Variants in ASAH1 observed in about 807,000 individuals in gnomAD.
The protein encoded by ASAH1 is acid ceramidase.
ASAH1 carries 70 observed loss-of-function variants against 59.5 expected under a neutral mutation model. The ratio of observed to expected loss-of-function variants is 1.18; its 90% confidence interval spans 0.97 to 1.43. The LOEUF is 1.43. Ranked by LOEUF, ASAH1 falls within the 40% of genes most tolerant of loss-of-function variation. The pLI is 0.00. For missense variants in ASAH1, 660 were observed against 482.5 expected, an observed-to-expected ratio of 1.37 and a Z score of -3.45; for synonymous variants, 213 against 166.5, an observed-to-expected ratio of 1.28 and a Z score of -2.15.
intron 1 of ASAH1, among the ~76,000 whole-genome samples, chr8:18,078,694 A>T (rs1021483621): frequency 6.6e-6 from 1 of 152,230 alleles, no homozygotes; most frequent in South Asian, 2.1e-4. Context: ...CCAAGTTTAT[A>T]AACAGTTTAA....
upstream of ASAH1, chr8:18,084,755 C>A (rs200771465): frequency 6.8e-6 from 11 of 1,613,580 alleles, no homozygotes; most frequent in East Asian, 2.0e-4. Flanking sequence ...GTAGGAGGCC[C>A]GGTGGGACCC....
At chr8:18,058,693 C>T in intron 13 of ASAH1, 142 bp downstream of exon 13, 1 of 743,982 alleles carries the variant, frequency 1.3e-6, no homozygotes, top group South Asian at 1.6e-5. Flanking sequence ...TTTAGCCACA[C>T]AAAAACATTT....
chr8:18,080,327 G>A (rs774243349), intron 1 of ASAH1, among the ~76,000 whole-genome samples: 3 of 152,160 alleles, frequency 2.0e-5, no homozygotes, highest in African/African-American at 7.2e-5. Context: ...ATCTTATGAA[G>A]TGGGTCAGAT....
chr8:18,062,118 C>A, intron 8 of ASAH1, 161 bp downstream of exon 8: 1 of 950,866 alleles, frequency 1.1e-6, no homozygotes, highest in South Asian at 1.5e-5. Context: ...CTACTCTTCT[C>A]TACCACGAGA....
intron 13 of ASAH1, 116 bp from the exon 14 acceptor site, chr8:18,057,739 T>A (rs1799531923): frequency 2.1e-6 from 1 of 472,408 alleles, no homozygotes; most frequent in East Asian, 5.8e-5. Context: ...TATTAAATAA[T>A]ATAACTTAAT....
rs901535648 is a variant in ASAH1 at position 18,058,945 on chromosome 8, C to T, written c.1042-54G>A. On this transcript the variant is annotated intron_variant, in intron 12 of 13. Transcript: ENST00000637790. ...GTAAGTTAAATACAGAAGCCAACAG[C>T]CTTATCTACACACATGGGCCACCAG... The T allele has an allele frequency of 1.1e-5, 16 of 1,490,040 alleles. 2 individuals carry two copies. In the South Asian group the frequency reaches 1.1e-4, roughly 11 times the overall value. The allele number at this position is 1,490,040 out of a possible 1,614,324, so 92.3% of individuals were successfully genotyped here.
intron 2 of ASAH1, among the ~76,000 whole-genome samples, 186 bp from the exon 3 acceptor site, chr8:18,071,576 A>C (rs1800179824): frequency 6.6e-6 from 1 of 152,144 alleles, no homozygotes; most frequent in South Asian, 2.1e-4. Flanking sequence ...ACACAATCAT[A>C]AGCGGTCACA....
rs1200316205 is a variant in ASAH1, at chr8:18,064,463, T to C, written c.451A>G (p.Lys151Glu). 6.4e-7 allele frequency: 1 copy of C among 1,565,722 alleles called. No individual in the cohort carries two copies. Among genetic ancestry groups the C allele is most frequent in the Non-Finnish European group, 8.8e-7 (1 of 1,137,612 alleles). Reference sequence around the variant, plus strand: ...TCCCTCAGCGCACAATTACCTTTTTTGTCTTCTGCTACTATTGAAGTACAA... The same window carrying C: ...TCCCTCAGCGCACAATTACCTTTTTCGTCTTCTGCTACTATTGAAGTACAA... ...TICTSIVAEDKKGHLIHGRNM... is the reference protein window; with the variant it reads ...TICTSIVAEDEKGHLIHGRNM... Residue 151 changes from lysine to glutamate, a missense_variant, in exon 6 of 14, where the codon AAA becomes GAA. Lys to Glu is a moderately conservative substitution (Grantham distance 56). Transcript: ENST00000637790.
intron 1 of ASAH1, 44 bp downstream of exon 1, chr8:18,083,937 G>A (rs774601229): frequency 6.3e-7 from 1 of 1,578,460 alleles, no homozygotes; most frequent in Non-Finnish European, 8.5e-7. Flanking sequence ...ATCCGCGCCC[G>A]CACCTGCACG....
At position 18,061,724 on chromosome 8, in the gene ASAH1, GTAA is replaced by G. The variant is rs1263232281; in HGVS notation, c.662_664del (p.Leu221_Thr222delinsPro). 19 of 1,579,358 alleles carry G rather than the reference GTAA, an allele frequency of 1.2e-5. No homozygotes were observed. The highest frequency in any genetic ancestry group is 1.6e-5 in the Non-Finnish European group (19 of 1,160,762). On this transcript the variant is annotated inframe_deletion, in exon 9 of 14. Transcript: ENST00000637790. ...ATTTATACTGAAACGTTCATTCAGT[GTAA>G]GACTGAACAGTCCCTGAGAAAAAGA...
intron 2 of ASAH1, among the ~76,000 whole-genome samples, chr8:18,074,051 G>A (rs899353684): frequency 6.6e-6 from 1 of 152,216 alleles, no homozygotes; most frequent in Non-Finnish European, 1.5e-5. Context: ...GCCTAATCAG[G>A]AAAGGTTTAT....
intron 5 of ASAH1, 102 bp from the exon 6 acceptor site, chr8:18,064,633 G>A: frequency 1.3e-6 from 1 of 745,288 alleles, no homozygotes; most frequent in South Asian, 1.6e-5. Flanking sequence ...GTGAGTGTGT[G>A]CTTTGGCCAG....
intron 5 of ASAH1, 62 bp downstream of exon 5, chr8:18,067,158 C>CTG: frequency 1.1e-6 from 1 of 925,236 alleles, no homozygotes; most frequent in Non-Finnish European, 1.6e-6. Flanking sequence ...TATCACACCT[C>CTG]AATGGAAACT....
intron 6 of ASAH1, chr8:18,064,223 A>G (rs2117036409): frequency 5.1e-6 from 3 of 586,846 alleles, no homozygotes; most frequent in South Asian, 4.4e-5. Context: ...GCCCTGCAAC[A>G]TTTCTTCCAG....
At position 18,059,356 on chromosome 8, in the gene ASAH1, G is replaced by A. The variant is rs1381116986; in HGVS notation, c.1026C>T (p.Asn342=). The change falls in exon 12 of 14, where the codon AAC becomes AAT. Residue 342 remains asparagine (N), a synonymous_variant. Coordinates refer to ENST00000637790, the MANE Select transcript of ASAH1 (RefSeq NM_177924.5). ...GCAAAGGTACCTCTTGGCTGGTGCGGTTCAGACACATCTTTGCAGGCGTTC... is the reference window on the plus strand; with the variant it reads ...GCAAAGGTACCTCTTGGCTGGTGCGATTCAGACACATCTTTGCAGGCGTTC... ...DRRTPAKMCL[N]RTSQENISFE... is the part of the protein sequence containing the mutation. 6.2e-7 allele frequency: 1 copy of A among 1,614,174 alleles called. No individual in the cohort carries two copies. Among genetic ancestry groups the A allele is most frequent in the Non-Finnish European group, 8.5e-7 (1 of 1,180,034 alleles).
intron 1 of ASAH1, among the ~76,000 whole-genome samples, chr8:18,080,615 T>C (rs967002379): frequency 3.9e-5 from 6 of 152,236 alleles, no homozygotes; most frequent in Non-Finnish European, 8.8e-5. Context: ...TGGAGTGCAA[T>C]GGCAGGATCT....
chr8:18,065,533 C>T (rs955465510), intron 5 of ASAH1: 2 of 151,898 alleles, frequency 1.3e-5, no homozygotes, highest in Non-Finnish European at 1.5e-5. Flanking sequence ...CTTTTGGGGT[C>T]GTGGGGAAAA....
Position 18,056,545 on chromosome 8 carries a change from TCA to T in ASAH1, c.*987_*988del, listed in dbSNP as rs1799477472. The T allele has an allele frequency of 6.6e-6, 1 of 152,220 alleles. No homozygotes were observed. The highest frequency in any genetic ancestry group is 2.4e-5 in the African/African-American group (1 of 41,460). 9.4% of individuals were successfully genotyped at this position (152,220 alleles called of 1,614,324 possible). A position where few individuals can be genotyped will look rare whatever the true frequency, so the allele number is the denominator to read the frequency against. On this transcript the variant is annotated 3_prime_UTR_variant, in exon 14 of 14. Transcript: ENST00000637790. ...CGGTCTTGCACAAATGACGTACATT[TCA>T]CAGTTAATCGTGAAGGTTAGAAAGG...
intron 1 of ASAH1, among the ~76,000 whole-genome samples, chr8:18,077,176 G>A (rs777719332): frequency 1.2e-4 from 19 of 152,136 alleles, no homozygotes; most frequent in Non-Finnish European, 2.2e-4. Flanking sequence ...AAATGATGAC[G>A]GTTATATCCA....
Sources: allele counts gnomAD v4.1 joint callset (sites outside exome capture counted in the v4.1 genomes callset), GRCh38; gene constraint gnomAD v4.1.1; transcripts MANE v1.5; gene names NCBI Gene and HGNC (gene_info 2026-07-23, HGNC 2026-07-21).